The following CLTA variants were observed in gnomAD, a reference collection of about 807,000 sequenced individuals.
CLTA encodes the protein clathrin light chain A.
In CLTA, 9 loss-of-function variants were observed where a neutral mutation model predicts 26.9. The observed-to-expected ratio is 0.33, with a 90% CI of 0.20 to 0.58. CLTA has a LOEUF of 0.58. CLTA is among the 20% of genes least tolerant of loss of function. The pLI, the probability that CLTA is intolerant of heterozygous loss-of-function variation, is 0.85. For synonymous variants in CLTA, 120 were observed against 115.5 expected, an observed-to-expected ratio of 1.04 and a Z score of -0.25; for missense variants, 278 against 294.2, an observed-to-expected ratio of 0.94 and a Z score of 0.40.
chr9:36,211,419 C>G (rs984248073), intron 4 of CLTA, 184 bp from the exon 5 acceptor site: 1 of 222,424 alleles, frequency 4.5e-6, no homozygotes, highest in African/African-American at 2.3e-5. Context: ...TCTGGGCACC[C>G]TGTGCCTAGG....
At chr9:36,198,332 G>A (rs1270374721) in intron 2 of CLTA, among the ~76,000 whole-genome samples, 3 of 150,564 alleles carry the variant, frequency 2.0e-5, no homozygotes, top group Non-Finnish European at 3.0e-5. Context: ...TGCAGAACCC[G>A]TTTCTAACAA....
intron 2 of CLTA, 99 bp downstream of exon 2, chr9:36,197,687 C>G (rs1183855798): frequency 1.2e-6 from 1 of 865,190 alleles, no homozygotes; most frequent in African/African-American, 1.7e-5. Flanking sequence ...AGTCCTTTGA[C>G]TTTCCTGAAT....
intron 4 of CLTA, 74 bp from the exon 5 acceptor site, chr9:36,211,529 T>A: frequency 6.6e-7 from 1 of 1,519,560 alleles, no homozygotes; most frequent in Non-Finnish European, 8.9e-7. Context: ...GGCAGTTGCT[T>A]GTGTAGCAAG....
At position 36,210,583 on chromosome 9, in the gene CLTA, C is replaced by T. The variant is rs760665781; in HGVS notation, c.486-1020C>T. On this transcript the variant is annotated intron_variant, in intron 4 of 4. Transcript: ENST00000345519. ...GCTCATTCTCATTTTCTATATCTGA[C>T]TTAAAGTTTCTCTCGTTTCTTTTCT... 5 of 1,613,808 alleles carry T rather than the reference C, an allele frequency of 3.1e-6. 1 individual carries two copies. The South Asian group carries it at 5.5e-5, about 18-fold the overall frequency.
intron 1 of CLTA, 26 bp downstream of exon 1, chr9:36,191,299 G>T: frequency 6.7e-7 from 1 of 1,487,000 alleles, no homozygotes; most frequent in Middle Eastern, 2.4e-4. Context: ...CGTTTGGGGC[G>T]AGAGGACTTG....
chr9:36,195,130 C>T (rs1357404262), intron 1 of CLTA, among the ~76,000 whole-genome samples: 2 of 152,142 alleles, frequency 1.3e-5, no homozygotes, highest in Non-Finnish European at 2.9e-5. Context: ...TTAAAACTAT[C>T]TCACTCTTCT....
chr9:36,205,298 G>C (rs1827649692), intron 4 of CLTA, among the ~76,000 whole-genome samples: 1 of 152,164 alleles, frequency 6.6e-6, no homozygotes, highest in Admixed American at 6.5e-5. Context: ...CAGTCCCACA[G>C]GACTGCTCTC....
intron 4 of CLTA, among the ~76,000 whole-genome samples, chr9:36,210,348 A>T (rs1164270641): frequency 6.6e-6 from 1 of 152,140 alleles, no homozygotes; most frequent in East Asian, 1.9e-4. Flanking sequence ...CTGGGCCCCC[A>T]GATGCATTTG....
At chr9:36,195,832 G>T (rs1241200600) in intron 1 of CLTA, among the ~76,000 whole-genome samples, 1 of 152,054 alleles carries the variant, frequency 6.6e-6, no homozygotes, top group Non-Finnish European at 1.5e-5. Context: ...GCCGGGCATG[G>T]TGGCACGTGC....
At chr9:36,192,865 A>C (rs1376337613) in intron 1 of CLTA, among the ~76,000 whole-genome samples, 1 of 152,158 alleles carries the variant, frequency 6.6e-6, no homozygotes, top group Non-Finnish European at 1.5e-5. Flanking sequence ...GGTGGAACAG[A>C]TTTGGGAGAA....
intron 4 of CLTA, among the ~76,000 whole-genome samples, chr9:36,207,522 G>C (rs993388381): frequency 1.3e-5 from 2 of 152,208 alleles, no homozygotes; most frequent in Admixed American, 6.5e-5. Context: ...TCCAGAGCTT[G>C]TCCTAGGTCA....
In CLTA at chr9:36,205,728, T is replaced by TCAGAGGATATTCTC. The variant is rs1827680054; in HGVS notation, c.485+1549_485+1550insCAGAGGATATTCTC. 5.3e-5 allele frequency among the ~76,000 whole-genome samples: 8 copies of TCAGAGGATATTCTC among 151,528 alleles called. No homozygotes were observed. The South Asian group carries it at 1.7e-3, about 32-fold the overall frequency. Reference sequence around the variant, plus strand: ...GGATATTCTCTGTATACAGAATCCGTTGTTCTCAGAGGGAGTAATGACACC... The same window carrying TCAGAGGATATTCTC: ...GGATATTCTCTGTATACAGAATCCGTCAGAGGATATTCTCTGTTCTCAGAGGGAGTAATGACACC... On this transcript the variant is annotated intron_variant, in intron 4 of 4. Coordinates refer to ENST00000345519, the MANE Select transcript of CLTA (RefSeq NM_001833.4).
At chr9:36,203,486 A>G (rs961176329) in intron 3 of CLTA, among the ~76,000 whole-genome samples, 3 of 152,032 alleles carry the variant, frequency 2.0e-5, no homozygotes, top group Non-Finnish European at 4.4e-5. Context: ...AATCATCTCT[A>G]CCTTTGGTAA....
At chr9:36,209,912 T>C (rs1827938612) in intron 4 of CLTA, among the ~76,000 whole-genome samples, 1 of 152,184 alleles carries the variant, frequency 6.6e-6, no homozygotes, top group African/African-American at 2.4e-5. Context: ...TGGTCTTGCA[T>C]GTCAGAAATT....
intron 4 of CLTA, among the ~76,000 whole-genome samples, chr9:36,204,817 G>A (rs1353717552): frequency 6.6e-6 from 1 of 152,184 alleles, no homozygotes; most frequent in African/African-American, 2.4e-5. Context: ...CAGCAGCTGG[G>A]CTTTAATGCC....
At chr9:36,198,099 C>T (rs563702220) in intron 2 of CLTA, among the ~76,000 whole-genome samples, 50 of 147,538 alleles carry the variant, frequency 3.4e-4, no homozygotes, top group African/African-American at 1.2e-3. Flanking sequence ...TGGGTTCAAG[C>T]GATTCATCCA....
chr9:36,196,622 T>C (rs1406230101), intron 1 of CLTA, among the ~76,000 whole-genome samples: 2 of 152,126 alleles, frequency 1.3e-5, no homozygotes, highest in Admixed American at 6.5e-5. Flanking sequence ...GTGCTGGGAT[T>C]ATAGGTGTGA....
At chr9:36,198,672 C>T (rs1473859430) in intron 2 of CLTA, among the ~76,000 whole-genome samples, 1 of 148,190 alleles carries the variant, frequency 6.7e-6, no homozygotes, top group African/African-American at 2.5e-5. Flanking sequence ...CAGAGTAAGA[C>T]CCTGTCCCGT....
intron 4 of CLTA, among the ~76,000 whole-genome samples, chr9:36,206,787 C>T (rs1365144449): frequency 4.0e-5 from 6 of 151,854 alleles, no homozygotes; most frequent in African/African-American, 7.3e-5. Flanking sequence ...CCCAGCAACT[C>T]GGGAGTCTGA....
Sources: allele counts gnomAD v4.1 joint callset (sites outside exome capture counted in the v4.1 genomes callset), GRCh38; gene constraint gnomAD v4.1.1; transcripts MANE v1.5; gene names NCBI Gene and HGNC (gene_info 2026-07-23, HGNC 2026-07-21).